The following MYO10 variants were observed in gnomAD, a reference collection of about 807,000 sequenced individuals.
The protein encoded by MYO10 is unconventional myosin-X.
In MYO10, 133 loss-of-function variants were observed where a neutral mutation model predicts 257.3. The observed-to-expected ratio is 0.52, with a 90% CI of 0.45 to 0.60. MYO10 has a LOEUF of 0.60. Ranked by LOEUF, MYO10 falls within the 20% of genes least tolerant of loss-of-function variation. MYO10 has a pLI of 0.00. For missense variants in MYO10, 2,399 were observed against 2,635.7 expected (o/e 0.91, Z 1.97); for synonymous variants, 1,104 against 1,028.6 (o/e 1.07, Z -1.40).
chr5:16,681,268 T>A lies in MYO10; in HGVS notation c.4384+41A>T, dbSNP rs533658505. ...CTTTGCCCGGAGCAAGCCCAGACTT[T>A]AAGATTTGATGCTCAGGGTTCGGGC... On this transcript the variant is annotated intron_variant, in intron 32 of 40. Transcript: ENST00000513610. 7.0e-6 allele frequency: 11 copies of A among 1,568,262 alleles called. No homozygotes were observed. In the Admixed American group the frequency reaches 1.7e-4, roughly 24 times the overall value.
Position 16,846,429 on chromosome 5 carries a change from C to T in MYO10, c.121-28262G>A, listed in dbSNP as rs571362588. The stretch of plus-strand genomic sequence containing the variant: ...TCCTTCCCACACCCAAGCATAAAGG[C>T]TAACACCTGGGCCCGCAAAGTCTAC... On this transcript the variant is annotated intron_variant, in intron 2 of 40. Transcript: ENST00000513610. Among the ~76,000 whole-genome samples the T allele has an allele frequency of 4.0e-4, 61 of 152,310 alleles. 1 individual carries two copies. Among genetic ancestry groups the T allele is most frequent in the African/African-American group, 1.4e-3 (60 of 41,566 alleles).
At chr5:16,822,200 G>A (rs6898816) in intron 2 of MYO10, among the ~76,000 whole-genome samples, 15,277 of 151,946 alleles carry the variant, frequency 0.1, 891 homozygotes, top group South Asian at 0.26. Flanking sequence ...ATGGGATGGC[G>A]TGTGCGGCAA....
intron 1 of MYO10, among the ~76,000 whole-genome samples, chr5:16,932,355 T>C (rs1452950961): frequency 6.6e-6 from 1 of 152,148 alleles, no homozygotes; most frequent in Non-Finnish European, 1.5e-5. Context: ...CCCTACTATA[T>C]TCCAGGCACT....
In MYO10 at chr5:16,664,005, A is replaced by T. The variant is rs2126437188; in HGVS notation, c.*2687T>A. On this transcript the variant is annotated 3_prime_UTR_variant, in exon 41 of 41. Coordinates refer to ENST00000513610, the MANE Select transcript of MYO10 (RefSeq NM_012334.3). ...ACACACACCAATGAGTGCATGTAAAAGCAGTAAAATTGGAATAGGTTCTGT... is the reference window on the plus strand; with the variant it reads ...ACACACACCAATGAGTGCATGTAAATGCAGTAAAATTGGAATAGGTTCTGT... 6.6e-6 allele frequency: 1 copy of T among 152,208 alleles called. No homozygotes were observed. The highest frequency in any genetic ancestry group is 2.4e-5 in the African/African-American group (1 of 41,526). 9.4% of individuals were successfully genotyped at this position (152,208 alleles called of 1,614,324 possible).
In MYO10 at chr5:16,699,603, G is replaced by A. The variant is rs145839113; in HGVS notation, c.3433-30C>T. Reference sequence around the variant, plus strand: ...ACCGAGAGAGAGAAGCCAACGGTGAGGGAAAAGGCCACAAAGCAAGCCACG... The same window carrying A: ...ACCGAGAGAGAGAAGCCAACGGTGAAGGAAAAGGCCACAAAGCAAGCCACG... On this transcript the variant is annotated intron_variant, in intron 25 of 40. Coordinates refer to ENST00000513610, the MANE Select transcript of MYO10 (RefSeq NM_012334.3). The A allele has an allele frequency of 2.3e-3, 3,731 of 1,612,270 alleles. 4 individuals are homozygous for A. The highest frequency in any genetic ancestry group is 6.9e-3 in the Middle Eastern group (42 of 6,062).
intron 40 of MYO10, among the ~76,000 whole-genome samples, chr5:16,667,442 G>C (rs1384552281): frequency 6.6e-6 from 1 of 152,024 alleles, no homozygotes; most frequent in Non-Finnish European, 1.5e-5. Flanking sequence ...TTCCCTTCCA[G>C]TCCCACCCCA....
intron 2 of MYO10, among the ~76,000 whole-genome samples, chr5:16,871,220 C>T (rs1352497130): frequency 1.3e-5 from 2 of 152,170 alleles, no homozygotes; most frequent in East Asian, 1.9e-4. Context: ...TCTTAACATA[C>T]CAAGCTGGGT....
chr5:16,713,687 G>A (rs1738724684), intron 19 of MYO10, among the ~76,000 whole-genome samples: 1 of 152,154 alleles, frequency 6.6e-6, no homozygotes. Context: ...CCCACCCTGC[G>A]ATCACAATCA....
intron 1 of MYO10, among the ~76,000 whole-genome samples, chr5:16,910,319 T>C (rs1440697812): frequency 1.3e-5 from 2 of 152,140 alleles, no homozygotes; most frequent in Non-Finnish European, 2.9e-5. Context: ...TTTTGTTTCT[T>C]TTTTCCCTGT....
At chr5:16,769,045 G>A in intron 10 of MYO10, 29 bp downstream of exon 10, 2 of 1,583,938 alleles carry the variant, frequency 1.3e-6, no homozygotes, top group Non-Finnish European at 1.7e-6. Context: ...AACAAAGGGA[G>A]CGAGGAGGGC....
rs958081027 is a variant in MYO10 at position 16,724,263 on chromosome 5, C to A, written c.1930-13018G>T. Among the ~76,000 whole-genome samples the A allele has an allele frequency of 6.6e-5, 10 of 152,092 alleles. No homozygotes were observed. The East Asian group carries it at 1.7e-3, about 26-fold the overall frequency. On this transcript the variant is annotated intron_variant, in intron 19 of 40. Coordinates refer to ENST00000513610, the MANE Select transcript of MYO10 (RefSeq NM_012334.3). ...ACTATAGTTGATAAAGTTGTTTTCCCCAGGGGTATGGAGTCACAACTCTGG... is the reference window on the plus strand; with the variant it reads ...ACTATAGTTGATAAAGTTGTTTTCCACAGGGGTATGGAGTCACAACTCTGG...
In MYO10 at chr5:16,668,357, T is replaced by C; in HGVS notation, c.5995A>G (p.Ile1999Val). 6.2e-7 allele frequency: 1 copy of C among 1,613,940 alleles called. No homozygotes were observed. The highest frequency in any genetic ancestry group is 8.5e-7 in the Non-Finnish European group (1 of 1,179,864). The part of the protein sequence containing the change: ...RPLEVFQYEH[I>V]LSFGAPLANT... The stretch of plus-strand genomic sequence containing the variant: ...GCCAGGGGTGCCCCAAAAGAGAGGA[T>C]GTGTTCATACTGGAAGACTTCCAGT... Residue 1999 changes from isoleucine to valine, a missense_variant, in exon 40 of 41, where the codon ATC becomes GTC. Physicochemically the swap from Ile to Val is conservative, Grantham distance 29. Around this residue, in one of 3 missense-constraint regions of MYO10, gnomAD observed 1,820 missense variants for 1,939.4 expected, o/e 0.94. Coordinates refer to ENST00000513610, the MANE Select transcript of MYO10 (RefSeq NM_012334.3).
chr5:16,751,521 G>A (rs186539582), intron 19 of MYO10, among the ~76,000 whole-genome samples: 160 of 151,878 alleles, frequency 1.1e-3, no homozygotes, highest in Non-Finnish European at 1.9e-3. Flanking sequence ...TCACTCTGTC[G>A]CCCAGGCTGG....
At chr5:16,880,409 G>A (rs557037069) in intron 1 of MYO10, among the ~76,000 whole-genome samples, 2 of 151,902 alleles carry the variant, frequency 1.3e-5, no homozygotes, top group East Asian at 1.9e-4. Flanking sequence ...GAGTTCCCCG[G>A]AGAGTTATAC....
chr5:16,890,885 A>G (rs960598585), intron 1 of MYO10, among the ~76,000 whole-genome samples: 11 of 151,866 alleles, frequency 7.2e-5, no homozygotes, highest in African/African-American at 2.7e-4. Context: ...GATACATGCT[A>G]TAACATGGAT....
chr5:16,745,008 G>A (rs984215005), intron 19 of MYO10, among the ~76,000 whole-genome samples: 1 of 152,204 alleles, frequency 6.6e-6, no homozygotes, highest in African/African-American at 2.4e-5. Context: ...AGCAGCGAAT[G>A]GAAGATGCAG....
Position 16,670,992 on chromosome 5 carries a change from G to A in MYO10, c.5431-14C>T. ...CGCTTCGTGGGCCTGAAAGGAGACA[G>A]TCAACAGCTTTCCGGTCAACGCACT... On this transcript the variant is annotated splice_polypyrimidine_tract_variant and intron_variant, in intron 38 of 40. Coordinates refer to ENST00000513610, the MANE Select transcript of MYO10 (RefSeq NM_012334.3). The A allele has an allele frequency of 6.3e-7, 1 of 1,595,584 alleles. No individual in the cohort carries two copies. The highest frequency in any genetic ancestry group is 8.6e-7 in the Non-Finnish European group (1 of 1,167,726).
intron 28 of MYO10, among the ~76,000 whole-genome samples, chr5:16,688,803 C>G (rs1737363825): frequency 6.6e-6 from 1 of 151,676 alleles, no homozygotes; most frequent in Non-Finnish European, 1.5e-5. Context: ...CCAGCATAAC[C>G]CTGCAGACTC....
At chr5:16,710,837 C>G (rs1430284813) in intron 21 of MYO10, 71 bp downstream of exon 21, 113 of 1,336,956 alleles carry the variant, frequency 8.5e-5, no homozygotes, top group Non-Finnish European at 1.1e-4. Flanking sequence ...TCATAGAGCC[C>G]TAAACCCTGT....
Sources: allele counts gnomAD v4.1 joint callset (sites outside exome capture counted in the v4.1 genomes callset), GRCh38; gene constraint gnomAD v4.1.1; regional missense constraint gnomAD v4.1.1; transcripts MANE v1.5; gene names NCBI Gene and HGNC (gene_info 2026-07-23, HGNC 2026-07-21).